GAS7: variants seen among roughly 807,000 people sequenced by gnomAD.
GAS7 encodes growth arrest specific 7.
A neutral mutation model predicts 71.1 loss-of-function variants in GAS7; 28 were observed. The ratio of observed to expected loss-of-function variants is 0.39; its 90% CI spans 0.29 to 0.54. The LOEUF (loss-of-function observed/expected upper bound fraction) is 0.54. GAS7 is among the 20% of genes least tolerant of loss of function. The pLI, the probability that GAS7 is intolerant of heterozygous loss-of-function variation, is 0.62. For missense variants in GAS7, 436 were observed against 627.8 expected (o/e 0.69, Z 3.27); for synonymous variants, 258 against 245.8 (o/e 1.05, Z -0.46).
chr17:10,064,426 A>G (rs1030359682), intron 1 of GAS7, among the ~76,000 whole-genome samples: 1 of 152,146 alleles, frequency 6.6e-6, no homozygotes, highest in African/African-American at 2.4e-5. Flanking sequence ...TGATTTTTCT[A>G]CTGTGGAACC....
intron 1 of GAS7, among the ~76,000 whole-genome samples, chr17:10,031,515 T>G (rs1228067358): frequency 6.6e-6 from 1 of 152,208 alleles, no homozygotes; most frequent in Admixed American, 6.5e-5. Context: ...AGAAGTCATG[T>G]CACAGCCTTG....
intron 2 of GAS7, among the ~76,000 whole-genome samples, chr17:10,005,133 G>A (rs2152175046): frequency 9.6e-6 from 1 of 104,410 alleles, no homozygotes; most frequent in Middle Eastern, 5.0e-3. Context: ...ATACCAGCAT[G>A]TGTGCGCGCA....
At chr17:10,174,740 G>A (rs1348696271) in intron 1 of GAS7, among the ~76,000 whole-genome samples, 1 of 152,040 alleles carries the variant, frequency 6.6e-6, no homozygotes, top group African/African-American at 2.4e-5. Context: ...TTGAAGCCCA[G>A]AGTGAGGAAT....
Position 10,059,325 on chromosome 17 carries a change from G to A in GAS7, c.184-39428C>T, listed in dbSNP as rs568904610. Among the ~76,000 whole-genome samples, 7 of 152,316 alleles carry A rather than the reference G, an allele frequency of 4.6e-5. No individual in the cohort carries two copies. The South Asian group carries it at 1.4e-3, about 32-fold the overall frequency. On this transcript the variant is annotated intron_variant, in intron 1 of 13. Coordinates refer to ENST00000432992, the MANE Select transcript of GAS7 (RefSeq NM_201433.2). ...CGCTACACTGGGGAATTAAGAAAAG[G>A]CAAACTGAGGAGGAGAAGATCCAAA... is the stretch of plus-strand genomic sequence containing the variant.
chr17:10,124,325 A>G lies in GAS7; in HGVS notation c.183+73883T>C, dbSNP rs191561340. Among the ~76,000 whole-genome samples the G allele has an allele frequency of 4.4e-3, 671 of 152,188 alleles. 5 individuals are homozygous for G. The highest frequency in any genetic ancestry group is 0.014 in the African/African-American group (591 of 41,522). On this transcript the variant is annotated intron_variant, in intron 1 of 13. Transcript: ENST00000432992. ...CCGTGAGGCCTGACCAGAAACACAC[A>G]CTCACTCCCTGGAGAGACCCAATGG... is the stretch of plus-strand genomic sequence containing the variant.
intron 1 of GAS7, among the ~76,000 whole-genome samples, chr17:10,069,154 A>G (rs1438463518): frequency 6.6e-6 from 1 of 152,164 alleles, no homozygotes; most frequent in Non-Finnish European, 1.5e-5. Context: ...CCTAAATGCA[A>G]GTTCCCAGAC....
intron 2 of GAS7, among the ~76,000 whole-genome samples, chr17:10,007,724 T>C (rs563722226): frequency 2.6e-5 from 4 of 151,942 alleles, no homozygotes; most frequent in Admixed American, 6.6e-5. Context: ...TTAATGACAC[T>C]TTTATTGCAA....
At chr17:9,993,108 G>C (rs2070908606) in intron 2 of GAS7, among the ~76,000 whole-genome samples, 1 of 151,686 alleles carries the variant, frequency 6.6e-6, no homozygotes, top group South Asian at 2.1e-4. Context: ...ATAGTCCTTT[G>C]GGTATATACC....
rs939043986 is a variant in GAS7, at chr17:9,981,209, T to C, written c.385+595A>G. 4.1e-4 allele frequency among the ~76,000 whole-genome samples: 60 copies of C among 144,800 alleles called. No individual in the cohort carries two copies. Among genetic ancestry groups the C allele is most frequent in the Non-Finnish European group, 2.7e-4 (17 of 63,770 alleles). 95.0% of individuals were successfully genotyped at this position (144,800 alleles called of 152,430 possible). Reference sequence around the variant, plus strand: ...CGGGAGGCTGGGGAACAAGAATCCATTGAACCCAGAAGGGGAGGTTGCAGT... The same window carrying C: ...CGGGAGGCTGGGGAACAAGAATCCACTGAACCCAGAAGGGGAGGTTGCAGT... On this transcript the variant is annotated intron_variant, in intron 3 of 13. Coordinates refer to ENST00000432992, the MANE Select transcript of GAS7 (RefSeq NM_201433.2). The surrounding 1 kb of genome is among the most constrained non-coding windows in gnomAD (Gnocchi z 4.4).
chr17:10,039,989 G>A (rs998534083), intron 1 of GAS7, among the ~76,000 whole-genome samples: 1 of 152,146 alleles, frequency 6.6e-6, no homozygotes, highest in African/African-American at 2.4e-5. Flanking sequence ...GTGGCTGCTG[G>A]GGGGACTCTT....
intron 1 of GAS7, among the ~76,000 whole-genome samples, chr17:10,135,566 G>A (rs1047157847): frequency 3.4e-4 from 51 of 152,214 alleles, no homozygotes; most frequent in African/African-American, 1.1e-3. Flanking sequence ...ATCTGTTTAA[G>A]TTCCTGATCT....
At chr17:10,195,330 C>G (rs1450690360) in intron 1 of GAS7, among the ~76,000 whole-genome samples, 1 of 152,182 alleles carries the variant, frequency 6.6e-6, no homozygotes, top group African/African-American at 2.4e-5. Context: ...AAGGCTGGGT[C>G]TCTCGGTTCC....
At chr17:10,098,278 G>C (rs1031619827) in intron 1 of GAS7, among the ~76,000 whole-genome samples, 3 of 152,192 alleles carry the variant, frequency 2.0e-5, no homozygotes, top group African/African-American at 4.8e-5. Context: ...GCCTGGCCAG[G>C]AGAGCAGGAG....
intron 2 of GAS7, among the ~76,000 whole-genome samples, chr17:9,990,044 C>T (rs191283576): frequency 8.6e-5 from 13 of 152,016 alleles, no homozygotes; most frequent in African/African-American, 2.2e-4. Context: ...CAGAGGTGGA[C>T]GGATCATGAG....
intron 2 of GAS7, among the ~76,000 whole-genome samples, chr17:9,994,311 T>A (rs1230341755): frequency 2.0e-5 from 3 of 149,382 alleles, no homozygotes; most frequent in Non-Finnish European, 4.5e-5. Context: ...CAAAACAGCA[T>A]GGTACTGGTA....
intron 1 of GAS7, among the ~76,000 whole-genome samples, chr17:10,131,958 CAT>C (rs1414570839): frequency 1.2e-4 from 18 of 152,138 alleles, no homozygotes; most frequent in Admixed American, 9.8e-4. Context: ...TGAATGAATA[CAT>C]GTGCTCATGA....
At chr17:9,999,107 G>C (rs1325516599) in intron 2 of GAS7, among the ~76,000 whole-genome samples, 1 of 152,188 alleles carries the variant, frequency 6.6e-6, no homozygotes, top group Non-Finnish European at 1.5e-5. Flanking sequence ...TTCCGCTTAT[G>C]CATCAACTTT....
intron 2 of GAS7, among the ~76,000 whole-genome samples, chr17:10,009,769 G>C (rs1567888205): frequency 6.6e-6 from 1 of 151,298 alleles, no homozygotes; most frequent in Non-Finnish European, 1.5e-5. Flanking sequence ...CTACTTGGAA[G>C]GCTAAGGTGG....
At chr17:10,029,564 T>C (rs1279367482) in intron 1 of GAS7, among the ~76,000 whole-genome samples, 1 of 152,140 alleles carries the variant, frequency 6.6e-6, no homozygotes, top group Non-Finnish European at 1.5e-5. Context: ...TAGACAGTAC[T>C]AGAAAAGGGC....
Sources: gnomAD v4.1 joint callset for allele counts (sites outside exome capture counted in the v4.1 genomes callset) on GRCh38, gnomAD v4.1.1 for gene constraint, Gnocchi (gnomAD v3.1) non-coding constraint, MANE v1.5 for transcripts, NCBI Gene and HGNC (gene_info 2026-07-23, HGNC 2026-07-21) for gene names.